Variants in ANGPTL5 observed in about 807,000 individuals in gnomAD.
The protein encoded by ANGPTL5 is angiopoietin like 5.
ANGPTL5 carries 34 observed loss-of-function variants against 39.4 expected under a neutral mutation model. The observed-to-expected ratio is 0.86, with a 90% CI of 0.66 to 1.15. ANGPTL5 has a LOEUF of 1.15. ANGPTL5 is among the 50% of genes most tolerant of loss of function. ANGPTL5 has a pLI of 0.00. For missense variants in ANGPTL5, 467 were observed against 457.5 expected, an observed-to-expected ratio of 1.02 and a Z score of -0.19; for synonymous variants, 146 against 152.1, an observed-to-expected ratio of 0.96 and a Z score of 0.29.
Position 101,891,839 on chromosome 11 carries a change from G to A in ANGPTL5, c.848-241C>T, listed in dbSNP as rs141375461. On this transcript the variant is annotated intron_variant, in intron 8 of 8. Transcript: ENST00000334289. Reference sequence around the variant, plus strand: ...TGATATAAAAGTCACAGTCCAAAATGGAGTTTTGCTGTGTAGACAAAACCA... The same window carrying A: ...TGATATAAAAGTCACAGTCCAAAATAGAGTTTTGCTGTGTAGACAAAACCA... Among the ~76,000 whole-genome samples the A allele has an allele frequency of 2.0e-5, 3 of 152,220 alleles. No individual in the cohort carries two copies. In the East Asian group the frequency reaches 5.8e-4, roughly 29 times the overall value.
intron 7 of ANGPTL5, 114 bp downstream of exon 7, chr11:101,900,316 T>C: frequency 1.9e-6 from 2 of 1,066,678 alleles, no homozygotes; most frequent in Non-Finnish European, 2.8e-6. Flanking sequence ...TTAAGTTATA[T>C]TTTGATATTT....
intron 1 of ANGPTL5, among the ~76,000 whole-genome samples, chr11:101,913,217 C>G (rs1940121082): frequency 6.6e-6 from 1 of 152,198 alleles, no homozygotes; most frequent in African/African-American, 2.4e-5. Flanking sequence ...GGACTGCTCA[C>G]TTGAGTGCCT....
At chr11:101,896,290 T>C (rs1939793337) in intron 7 of ANGPTL5, among the ~76,000 whole-genome samples, 1 of 151,306 alleles carries the variant, frequency 6.6e-6, no homozygotes, top group African/African-American at 2.4e-5. Flanking sequence ...GTTCAAGCGA[T>C]TCTCATGCCT....
intron 5 of ANGPTL5, among the ~76,000 whole-genome samples, chr11:101,904,560 C>T (rs1375056827): frequency 1.3e-5 from 2 of 152,038 alleles, no homozygotes; most frequent in African/African-American, 2.4e-5. Context: ...CTATAGAAAG[C>T]TATGTTATTT....
Position 101,891,454 on chromosome 11 carries a change from G to T in ANGPTL5, c.992C>A (p.Thr331Asn), listed in dbSNP as rs769401345. Residue 331 changes from threonine (T) to asparagine (N), a missense_variant, in exon 9 of 9, where the codon ACC (threonine) becomes AAC (asparagine). Coordinates refer to ENST00000334289, the MANE Select transcript of ANGPTL5 (RefSeq NM_178127.5). ...VKSCSHLHNK[T>N]GWWFNECGLA... ...ACCACACTCGTTAAACCACCAGCCG[G>T]TCTTGTTATGGAGGTGACTGCAGCT... is the stretch of plus-strand genomic sequence containing the variant. The T allele has an allele frequency of 6.2e-7, 1 of 1,614,042 alleles. No homozygotes were observed. Among genetic ancestry groups the T allele is most frequent in the Admixed American group, 1.7e-5 (1 of 59,992 alleles).
chr11:101,893,404 C>T (rs746881523), intron 8 of ANGPTL5, among the ~76,000 whole-genome samples: 2 of 152,242 alleles, frequency 1.3e-5, no homozygotes, highest in African/African-American at 2.4e-5. Flanking sequence ...CACCTGATCA[C>T]ATTTAACCCA....
rs921027337 is a variant in ANGPTL5, at chr11:101,916,434, C to T, written c.-508G>A. ...AATATCTCTTCTCCGATCATGCTTTCTGCAATCTTCCATCCCTTCAGTCTT... is the reference window on the plus strand; with the variant it reads ...AATATCTCTTCTCCGATCATGCTTTTTGCAATCTTCCATCCCTTCAGTCTT... On this transcript the variant is annotated 5_prime_UTR_variant, in exon 1 of 9. Coordinates refer to ENST00000334289, the MANE Select transcript of ANGPTL5 (RefSeq NM_178127.5). The T allele has an allele frequency of 2.0e-5, 3 of 152,224 alleles. No individual in the cohort carries two copies. Among genetic ancestry groups the T allele is most frequent in the Non-Finnish European group, 4.4e-5 (3 of 68,036 alleles). The allele number at this position is 152,224 out of a possible 1,614,324, so 9.4% of individuals were successfully genotyped here. A position where few individuals can be genotyped will look rare whatever the true frequency, so the allele number is the denominator to read the frequency against.
chr11:101,911,094 C>CTTTTTTTTT (rs71059524), intron 1 of ANGPTL5, among the ~76,000 whole-genome samples: 2 of 54,992 alleles, frequency 3.6e-5, no homozygotes, highest in Non-Finnish European at 6.9e-5. Flanking sequence ...CTACCCAAAT[C>CTTTTTTTTT]TTTTTTTTTT....
chr11:101,891,611 T>A lies in ANGPTL5; in HGVS notation c.848-13A>T, dbSNP rs531147057. The A allele has an allele frequency of 3.5e-5, 57 of 1,612,138 alleles. No individual in the cohort carries two copies. In the African/African-American group the frequency reaches 4.4e-4, roughly 12 times the overall value. Reference sequence around the variant, plus strand: ...CGGAATGCATCACCTGGGAAAAAAATTTTTAATGATCGAATTTAAAGGAAA... The same window carrying A: ...CGGAATGCATCACCTGGGAAAAAAAATTTTAATGATCGAATTTAAAGGAAA... On this transcript the variant is annotated splice_polypyrimidine_tract_variant and intron_variant, in intron 8 of 8. Transcript: ENST00000334289.
chr11:101,897,014 T>C (rs902457192), intron 7 of ANGPTL5, among the ~76,000 whole-genome samples: 1 of 152,178 alleles, frequency 6.6e-6, no homozygotes, highest in Non-Finnish European at 1.5e-5. Flanking sequence ...CTCTCCAGCA[T>C]CTGTTGTTTC....
At chr11:101,896,617 T>C (rs1354099318) in intron 7 of ANGPTL5, among the ~76,000 whole-genome samples, 1 of 152,208 alleles carries the variant, frequency 6.6e-6, no homozygotes, top group African/African-American at 2.4e-5. Context: ...TTTGGTTTTC[T>C]GTTCCTGTGT....
At position 101,900,725 on chromosome 11, in the gene ANGPTL5, ACT is replaced by A. The variant is rs972203335; in HGVS notation, c.541-177_541-176del. Reference sequence around the variant, plus strand: ...TGTTTTTTATATTTCTAGAAATAATACTGTTTATTATAAAGCAAACCTGTAAT... The same window carrying A: ...TGTTTTTTATATTTCTAGAAATAATAGTTTATTATAAAGCAAACCTGTAAT... On this transcript the variant is annotated intron_variant, in intron 6 of 8. Coordinates refer to ENST00000334289, the MANE Select transcript of ANGPTL5 (RefSeq NM_178127.5). 2.6e-5 allele frequency among the ~76,000 whole-genome samples: 4 copies of A among 152,270 alleles called. No individual in the cohort carries two copies. The East Asian group carries it at 7.7e-4, about 29-fold the overall frequency.
intron 7 of ANGPTL5, among the ~76,000 whole-genome samples, chr11:101,900,028 C>T (rs1472566622): frequency 6.6e-6 from 1 of 152,200 alleles, no homozygotes; most frequent in Non-Finnish European, 1.5e-5. Context: ...TGCACAGACA[C>T]ATACCTCAAT....
intron 1 of ANGPTL5, among the ~76,000 whole-genome samples, chr11:101,908,373 T>C (rs1198379782): frequency 6.6e-6 from 1 of 152,164 alleles, no homozygotes; most frequent in African/African-American, 2.4e-5. Context: ...AAATGACTGA[T>C]GGAGTGGGAA....
In ANGPTL5 at chr11:101,891,192, T is replaced by C; in HGVS notation, c.*87A>G. The C allele has an allele frequency of 7.0e-6, 9 of 1,280,548 alleles. No individual in the cohort carries two copies. The highest frequency in any genetic ancestry group is 8.5e-6 in the Non-Finnish European group (8 of 938,466). The allele number at this position is 1,280,548 out of a possible 1,614,324, so 79.3% of individuals were successfully genotyped here. ...ATCTACAGTTAAATTTTGCCTAATA[T>C]GTTTGAAACACTAAGTGAAAAGATA... On this transcript the variant is annotated 3_prime_UTR_variant, in exon 9 of 9. Coordinates refer to ENST00000334289, the MANE Select transcript of ANGPTL5 (RefSeq NM_178127.5).
intron 8 of ANGPTL5, among the ~76,000 whole-genome samples, chr11:101,894,033 A>C (rs916838812): frequency 6.6e-6 from 1 of 151,496 alleles, no homozygotes; most frequent in Non-Finnish European, 1.5e-5. Context: ...CCCATGTTGA[A>C]TCTAACATTA....
At position 101,907,980 on chromosome 11, in the gene ANGPTL5, TAG is replaced by T. The variant is rs1591259036; in HGVS notation, c.-73_-72del. 2.8e-6 allele frequency: 3 copies of T among 1,087,864 alleles called. No homozygotes were observed. The highest frequency in any genetic ancestry group is 2.6e-5 in the South Asian group (2 of 76,378). 67.4% of individuals were successfully genotyped at this position (1,087,864 alleles called of 1,614,324 possible). On this transcript the variant is annotated 5_prime_UTR_variant, in exon 2 of 9. An upstream open reading frame in the 5' UTR gains an earlier in-frame stop. Transcript: ENST00000334289. ...TCTTTGTGGAAAGAACTACAGAGCA[TAG>T]AGTCTTCAGTTAAAAACCTCTGGAA...
chr11:101,915,504 G>T (rs930555935), intron 1 of ANGPTL5: 1 of 1,487,438 alleles, frequency 6.7e-7, no homozygotes, highest in Non-Finnish European at 9.1e-7. Context: ...TTGACGCAGG[G>T]TGATCAAAAC....
At chr11:101,897,515 C>T (rs963757415) in intron 7 of ANGPTL5, among the ~76,000 whole-genome samples, 4 of 152,126 alleles carry the variant, frequency 2.6e-5, no homozygotes, top group African/African-American at 9.7e-5. Flanking sequence ...TTTAATCTAT[C>T]TTGAATTAAT....
Sources: gnomAD v4.1 joint callset for allele counts (sites outside exome capture counted in the v4.1 genomes callset) on GRCh38, gnomAD v4.1.1 for gene constraint, MANE v1.5 for transcripts, NCBI Gene and HGNC (gene_info 2026-07-23, HGNC 2026-07-21) for gene names.